CPM: variants seen among roughly 807,000 people sequenced by gnomAD.
CPM encodes the protein carboxypeptidase M, also known as renal carboxypeptidase.
CPM carries 35 observed loss-of-function variants against 46.4 expected under a neutral mutation model. The ratio of observed to expected loss-of-function variants is 0.75; its 90% CI spans 0.58 to 1.00. The LOEUF is 1.00. Among genes scored for constraint, CPM ranks in the 50% least tolerant of loss-of-function variants. CPM has a pLI of 0.00. For missense variants in CPM, 422 were observed against 530.4 expected, an observed-to-expected ratio of 0.80 and a Z score of 2.01; for synonymous variants, 195 against 195.3, an observed-to-expected ratio of 1.00 and a Z score of 0.01.
At chr12:68,856,722 G>A in intron 8 of CPM, 43 bp from the exon 9 acceptor site, 1 of 1,598,216 alleles carries the variant, frequency 6.3e-7, no homozygotes, top group Non-Finnish European at 8.5e-7. Context: ...ACTTAAGATG[G>A]TTCGTGGTGC....
At chr12:68,896,830 C>A (rs1316524725) in intron 2 of CPM, among the ~76,000 whole-genome samples, 1 of 151,972 alleles carries the variant, frequency 6.6e-6, no homozygotes, top group African/African-American at 2.4e-5. Context: ...ATGTTAGGTT[C>A]CATTTCATTT....
At position 68,852,346 on chromosome 12, in the gene CPM, A is replaced by G. The variant is rs746654820; in HGVS notation, c.*4091T>C. ...GAGTAGGTATACTCTTTAAGAAGGT[A>G]TATTATACTGCCTTCAAAATACTTA... On this transcript the variant is annotated 3_prime_UTR_variant, in exon 9 of 9. Transcript: ENST00000551568. 3 of 152,194 alleles carry G rather than the reference A, an allele frequency of 2.0e-5. No homozygotes were observed. The highest frequency in any genetic ancestry group is 2.9e-5 in the Non-Finnish European group (2 of 68,038). 9.4% of individuals were successfully genotyped at this position (152,194 alleles called of 1,614,324 possible). A position where few individuals can be genotyped will look rare whatever the true frequency, so the allele number is the denominator to read the frequency against.
At chr12:68,843,176 A>T (rs564640759) in intron 5 of CPM, 2 of 224,400 alleles carry the variant, frequency 8.9e-6, no homozygotes, top group Non-Finnish European at 8.9e-6. Context: ...ACACAAAACC[A>T]CTTTTAATGG....
intron 2 of CPM, among the ~76,000 whole-genome samples, chr12:68,918,612 T>TAATCCAATCC (rs200988350): frequency 0.064 from 9,706 of 151,676 alleles, 654 homozygotes; most frequent in African/African-American, 0.16. Context: ...CAATCCAATC[T>TAATCCAATCC]AATCCAATCC....
intron 3 of CPM, among the ~76,000 whole-genome samples, chr12:68,884,182 C>G (rs1306991028): frequency 6.8e-6 from 1 of 147,890 alleles, no homozygotes; most frequent in Non-Finnish European, 1.5e-5. Context: ...GACAAGATAG[C>G]AAAAGGGAAA....
chr12:68,871,795 G>A lies in CPM; in HGVS notation c.420C>T (p.Tyr140=), dbSNP rs1885709480. Reference sequence around the variant, plus strand: ...CAGCCCCTCTTTACCTTCCGATGCTGTAATAACAGTCAGGCTTTTTGACGG... The same window carrying A: ...CAGCCCCTCTTTACCTTCCGATGCTATAATAACAGTCAGGCTTTTTGACGG... ...FEAVKKPDCY[Y]SIGRENYNQY... Residue 140 remains tyrosine, a synonymous_variant, in exon 4 of 9, where the codon TAC becomes TAT. Transcript: ENST00000551568. 1 of 1,614,110 alleles carries A rather than the reference G, an allele frequency of 6.2e-7. No homozygotes were observed. The highest frequency in any genetic ancestry group is 8.5e-7 in the Non-Finnish European group (1 of 1,179,994).
chr12:68,871,054 T>C (rs1405096864), intron 4 of CPM, among the ~76,000 whole-genome samples: 1 of 152,222 alleles, frequency 6.6e-6, no homozygotes, highest in Non-Finnish European at 1.5e-5. Context: ...AACACATATA[T>C]GTAAATTGCA....
Position 68,871,748 on chromosome 12 carries a change from T to C in CPM, c.431+36A>G, listed in dbSNP as rs369861111. On this transcript the variant is annotated intron_variant, in intron 4 of 8. Coordinates refer to ENST00000551568, the MANE Select transcript of CPM (RefSeq NM_198320.5). ...GCCTGTCGGGAGCCTTTGTGTTGTG[T>C]TGTTTTCAAGTAAAGATAGACCAGC... 1,418 of 1,611,418 alleles carry C rather than the reference T, an allele frequency of 8.8e-4. 7 individuals are homozygous for C. The highest frequency in any genetic ancestry group is 5.1e-3 in the East Asian group (231 of 44,866).
chr12:68,955,876 A>G (rs1300517007), intron 1 of CPM, among the ~76,000 whole-genome samples: 2 of 152,118 alleles, frequency 1.3e-5, no homozygotes, highest in African/African-American at 4.8e-5. Context: ...ATGGGTGTCC[A>G]AGAAAAAGCA....
intron 2 of CPM, among the ~76,000 whole-genome samples, chr12:68,931,766 A>AG (rs1888519312): frequency 8.7e-6 from 1 of 115,256 alleles, no homozygotes. Flanking sequence ...AAAAAAAAAA[A>AG]GAAAGAAAGA....
chr12:68,956,210 A>C (rs1889015880), intron 1 of CPM, among the ~76,000 whole-genome samples: 1 of 152,246 alleles, frequency 6.6e-6, no homozygotes. Context: ...GTTTGGCCAC[A>C]GTTTGCTCCA....
At chr12:68,947,596 CAAA>C (rs908158713) in intron 1 of CPM, among the ~76,000 whole-genome samples, 3 of 121,072 alleles carry the variant, frequency 2.5e-5, no homozygotes. Context: ...GACTCTGTCT[CAAA>C]AAAAAAAAAA....
At chr12:68,948,885 C>G (rs1261357682) in intron 1 of CPM, among the ~76,000 whole-genome samples, 1 of 152,150 alleles carries the variant, frequency 6.6e-6, no homozygotes, top group East Asian at 1.9e-4. Flanking sequence ...TAACCTTGGA[C>G]CATTGCTCAG....
At chr12:68,935,206 G>A (rs1449691830), upstream of CPM, among the ~76,000 whole-genome samples, 1 of 151,072 alleles carries the variant, frequency 6.6e-6, no homozygotes, top group Non-Finnish European at 1.5e-5. Context: ...CACCGTGCCT[G>A]GCCATCTTTT....
chr12:68,937,249 A>C (rs1263241551), upstream of CPM, among the ~76,000 whole-genome samples: 1 of 152,228 alleles, frequency 6.6e-6, no homozygotes, highest in African/African-American at 2.4e-5. Context: ...CTGCTGCTTT[A>C]AATTGTGACA....
chr12:68,916,640 C>T (rs1378959290), intron 2 of CPM, among the ~76,000 whole-genome samples: 14 of 152,072 alleles, frequency 9.2e-5, no homozygotes, highest in Non-Finnish European at 2.1e-4. Flanking sequence ...CCTGTAATCC[C>T]AGCACTTTGG....
chr12:68,963,241 TG>T, exon 1 of CPM: 1 of 199,474 alleles, frequency 5.0e-6, no homozygotes, highest in Non-Finnish European at 9.9e-6. Context: ...GAAGAAATGC[TG>T]CTCAGAGAGG....
At chr12:68,865,915 A>G (rs1375674282) in intron 7 of CPM, among the ~76,000 whole-genome samples, 6 of 152,162 alleles carry the variant, frequency 3.9e-5, no homozygotes, top group Non-Finnish European at 5.9e-5. Context: ...AGGTGGTCCA[A>G]ACAGAAACTC....
chr12:68,844,617 CTT>C lies in CPM; in HGVS notation c.534-2290_534-2289del, dbSNP rs1350353219. 1.3e-5 allele frequency: 3 copies of C among 227,166 alleles called. No individual in the cohort carries two copies. The East Asian group carries it at 1.9e-4, about 14-fold the overall frequency. 14.1% of individuals were successfully genotyped at this position (227,166 alleles called of 1,614,324 possible). A position where few individuals can be genotyped will look rare whatever the true frequency, so the allele number is the denominator to read the frequency against. ...GAAAGTTCCACCAAGCTGGGAACCT[CTT>C]GATTGTGAGGCACAAATGTAAGTAC... On this transcript the variant is annotated intron_variant, in intron 5 of 5. Coordinates refer to the CPM transcript ENST00000551897.
Sources: gnomAD v4.1 joint callset for allele counts (sites outside exome capture counted in the v4.1 genomes callset) on GRCh38, gnomAD v4.1.1 for gene constraint, MANE v1.5 for transcripts, NCBI Gene and HGNC (gene_info 2026-07-23, HGNC 2026-07-21) for gene names.